SMYD3: variants seen among roughly 807,000 people sequenced by gnomAD.
SMYD3 encodes the protein SET and MYND domain containing 3, also known as histone-lysine N-methyltransferase SMYD3.
In SMYD3, 36 loss-of-function variants were observed where a neutral mutation model predicts 57.7. That is an observed-to-expected ratio of 0.62 (90% CI 0.48 to 0.82). The LOEUF (loss-of-function observed/expected upper bound fraction) is 0.82, where lower values mean the gene tolerates loss of function less well. Ranked by LOEUF, SMYD3 falls within the 40% of genes least tolerant of loss-of-function variation. The pLI, the probability that SMYD3 is intolerant of heterozygous loss-of-function variation, is 0.00. For missense variants in SMYD3, 515 were observed against 538.8 expected (o/e 0.96, Z 0.44); for synonymous variants, 211 against 195.0 (o/e 1.08, Z -0.68).
At chr1:245,856,025 G>A (rs867927875) in intron 10 of SMYD3, among the ~76,000 whole-genome samples, 6 of 152,278 alleles carry the variant, frequency 3.9e-5, no homozygotes, top group Non-Finnish European at 7.3e-5. Flanking sequence ...GGGAGCCGAT[G>A]CGGGGGGCTG....
chr1:245,961,907 T>C (rs1324277947), intron 5 of SMYD3, among the ~76,000 whole-genome samples: 3 of 152,192 alleles, frequency 2.0e-5, no homozygotes, highest in Non-Finnish European at 4.4e-5. Context: ...TAAAAGTTTT[T>C]TGACTGAATA....
At chr1:246,409,191 T>C (rs1057457482) in intron 1 of SMYD3, among the ~76,000 whole-genome samples, 2 of 152,234 alleles carry the variant, frequency 1.3e-5, no homozygotes, top group African/African-American at 4.8e-5. Context: ...TTAGATCCCA[T>C]TTGTCAATTT....
At chr1:245,764,888 A>T (rs1289199035) in intron 10 of SMYD3, among the ~76,000 whole-genome samples, 1 of 152,108 alleles carries the variant, frequency 6.6e-6, no homozygotes, top group Non-Finnish European at 1.5e-5. Flanking sequence ...AGACCCTGTG[A>T]AGAGCTGTAT....
intron 1 of SMYD3, among the ~76,000 whole-genome samples, chr1:246,425,094 C>T (rs1398826568): frequency 6.6e-6 from 1 of 152,032 alleles, no homozygotes; most frequent in East Asian, 1.9e-4. Context: ...TCTATTTAAT[C>T]GGCAAAAACC....
intron 1 of SMYD3, among the ~76,000 whole-genome samples, chr1:246,459,905 C>A (rs768715902): frequency 7.6e-6 from 1 of 131,724 alleles, no homozygotes; most frequent in Non-Finnish European, 1.6e-5. Context: ...GCAGAGGAAA[C>A]CATTCCGCCA....
intron 1 of SMYD3, among the ~76,000 whole-genome samples, chr1:246,368,962 TAGAA>T (rs2066150038): frequency 6.6e-6 from 1 of 152,190 alleles, no homozygotes; most frequent in Non-Finnish European, 1.5e-5. Context: ...TATATACAGA[TAGAA>T]AGATAGATAG....
chr1:245,797,987 G>A (rs1484546951), intron 10 of SMYD3, among the ~76,000 whole-genome samples: 2 of 152,140 alleles, frequency 1.3e-5, no homozygotes, highest in East Asian at 3.9e-4. Flanking sequence ...TTGGGTTGAG[G>A]TACAGAAACC....
intron 10 of SMYD3, among the ~76,000 whole-genome samples, chr1:245,843,540 ATGTGTGTGTGTG>A (rs10531765): frequency 0.022 from 3,317 of 149,624 alleles, 63 homozygotes; most frequent in African/African-American, 0.036. Context: ...GTATATATAT[ATGTGTGTGTGTG>A]TGTGTGTGTG....
At chr1:245,854,943 C>T (rs536260868) in intron 10 of SMYD3, among the ~76,000 whole-genome samples, 1 of 152,256 alleles carries the variant, frequency 6.6e-6, no homozygotes, top group South Asian at 2.1e-4. Context: ...ACTTTCAATC[C>T]TCTGACACCA....
intron 5 of SMYD3, among the ~76,000 whole-genome samples, chr1:246,237,693 A>G (rs1181420539): frequency 2.0e-5 from 3 of 152,218 alleles, no homozygotes; most frequent in African/African-American, 7.2e-5. Flanking sequence ...TGAAGTGAGA[A>G]TAGCCTTCTA....
At chr1:245,876,741 T>C (rs2052507231) in intron 8 of SMYD3, among the ~76,000 whole-genome samples, 1 of 152,182 alleles carries the variant, frequency 6.6e-6, no homozygotes, top group African/African-American at 2.4e-5. Context: ...AAGACACAGC[T>C]GAGATGTGGC....
intron 8 of SMYD3, among the ~76,000 whole-genome samples, chr1:245,892,238 A>T (rs2053433599): frequency 6.6e-6 from 1 of 152,202 alleles, no homozygotes; most frequent in African/African-American, 2.4e-5. Context: ...GGAACTGAGG[A>T]TGCTGTATTT....
intron 1 of SMYD3, among the ~76,000 whole-genome samples, chr1:246,448,704 T>TTA (rs1553349830): frequency 9.8e-5 from 8 of 81,444 alleles, no homozygotes; most frequent in East Asian, 3.2e-4. Context: ...CTCTTTTTTT[T>TTA]AAAAAAAAAA....
At chr1:246,269,543 C>CTTTTTTTTTTTTTT (rs570972296) in intron 5 of SMYD3, among the ~76,000 whole-genome samples, 13 of 135,220 alleles carry the variant, frequency 9.6e-5, no homozygotes, top group East Asian at 6.6e-4. Flanking sequence ...CTTTTTTTTT[C>CTTTTTTTTTTTTTT]TTTTTTTTTT....
At chr1:246,207,012 C>T (rs2063010900) in intron 5 of SMYD3, among the ~76,000 whole-genome samples, 1 of 152,110 alleles carries the variant, frequency 6.6e-6, no homozygotes. Context: ...GTTCCCTAAA[C>T]ATTTCATTAG....
chr1:246,209,674 A>C (rs1572216349), intron 5 of SMYD3, among the ~76,000 whole-genome samples: 1 of 152,004 alleles, frequency 6.6e-6, no homozygotes, highest in East Asian at 1.9e-4. Context: ...TTTCCGTCTT[A>C]GTGGTTTGTA....
rs147756377 is a variant in SMYD3 at position 246,057,333 on chromosome 1, G to T, written c.532-127396C>A. 2.6e-5 allele frequency among the ~76,000 whole-genome samples: 4 copies of T among 152,254 alleles called. No individual in the cohort carries two copies. The East Asian group carries it at 7.7e-4, about 29-fold the overall frequency. On this transcript the variant is annotated intron_variant, in intron 5 of 11. Transcript: ENST00000490107. ...TAGAGTTACATGCAGAACTGAAAAA[G>T]AAAAAGCTACTTTTACAGGTAGTGG...
chr1:246,138,591 A>G (rs1286832210), intron 5 of SMYD3, among the ~76,000 whole-genome samples: 1 of 126,538 alleles, frequency 7.9e-6, no homozygotes, highest in Admixed American at 8.4e-5. Flanking sequence ...ACGCCCGGCT[A>G]ATTTTTTGTA....
intron 1 of SMYD3, among the ~76,000 whole-genome samples, chr1:246,469,027 T>C (rs2067920874): frequency 6.6e-6 from 1 of 152,178 alleles, no homozygotes; most frequent in Non-Finnish European, 1.5e-5. Context: ...GGCTACTGCC[T>C]ACCCACTGGC....
Sources: gnomAD v4.1 joint callset for allele counts (sites outside exome capture counted in the v4.1 genomes callset) on GRCh38, gnomAD v4.1.1 for gene constraint, MANE v1.5 for transcripts, NCBI Gene and HGNC (gene_info 2026-07-23, HGNC 2026-07-21) for gene names.